The following RAP1A variants were observed in gnomAD, a reference collection of about 807,000 sequenced individuals.
The protein encoded by RAP1A is ras-related protein Rap-1A.
In RAP1A, 6 loss-of-function variants were observed where a neutral mutation model predicts 26.4. That is an observed-to-expected ratio of 0.23 (90% confidence interval 0.12 to 0.45). The LOEUF (loss-of-function observed/expected upper bound fraction) is 0.45, where lower values mean the gene tolerates loss of function less well. Among genes scored for constraint, RAP1A ranks in the 20% least tolerant of loss-of-function variants. RAP1A has a pLI of 0.99. For synonymous variants in RAP1A, 73 were observed against 79.4 expected (o/e 0.92, Z 0.43); for missense variants, 121 against 217.2 (o/e 0.56, Z 2.78).
intron 1 of RAP1A, among the ~76,000 whole-genome samples, chr1:111,652,737 TAG>T (rs1280179065): frequency 6.6e-6 from 1 of 152,096 alleles, no homozygotes; most frequent in East Asian, 1.9e-4. Context: ...GGCCAGGATG[TAG>T]AGAGATTGGA....
At chr1:111,642,856 C>A (rs977855067) in intron 1 of RAP1A, among the ~76,000 whole-genome samples, 1 of 142,486 alleles carries the variant, frequency 7.0e-6, no homozygotes, top group African/African-American at 2.6e-5. Context: ...GATCTTGGCT[C>A]ACTCCTGGGT....
At chr1:111,696,841 A>T (rs920796690) in intron 3 of RAP1A, among the ~76,000 whole-genome samples, 2 of 152,206 alleles carry the variant, frequency 1.3e-5, no homozygotes, top group African/African-American at 4.8e-5. Flanking sequence ...CACCTTTCAC[A>T]TAGAGCTTTT....
Position 111,623,209 on chromosome 1 carries a change from A to T in RAP1A, c.-28+3275A>T, listed in dbSNP as rs116452490. On this transcript the variant is annotated intron_variant, in intron 1 of 7. Coordinates refer to ENST00000369709, the MANE Select transcript of RAP1A (RefSeq NM_002884.4). The stretch of plus-strand genomic sequence containing the variant: ...ATTTTTTTTTTTTTTAATCGTTAGT[A>T]GAGACGAGGTTTCCCCATGTTGGCC... Among the ~76,000 whole-genome samples the T allele has an allele frequency of 5.4e-3, 811 of 150,950 alleles. 8 individuals carry two copies. Among genetic ancestry groups the T allele is most frequent in the African/African-American group, 0.019 (759 of 41,018 alleles).
At chr1:111,646,157 TC>T (rs1660057789) in intron 1 of RAP1A, among the ~76,000 whole-genome samples, 1 of 152,218 alleles carries the variant, frequency 6.6e-6, no homozygotes, top group Non-Finnish European at 1.5e-5. Flanking sequence ...CAAGTAAACA[TC>T]TTTTCCTTTT....
intron 1 of RAP1A, among the ~76,000 whole-genome samples, chr1:111,658,700 G>A (rs1339908118): frequency 6.6e-6 from 1 of 152,166 alleles, no homozygotes; most frequent in African/African-American, 2.4e-5. Flanking sequence ...AAACAATGCG[G>A]ATTAAAACAA....
intron 1 of RAP1A, among the ~76,000 whole-genome samples, chr1:111,634,243 T>G (rs987247054): frequency 2.6e-5 from 4 of 152,176 alleles, no homozygotes; most frequent in Admixed American, 2.0e-4. Flanking sequence ...CAACTATCTC[T>G]TCCCTCCCTG....
intron 1 of RAP1A, among the ~76,000 whole-genome samples, chr1:111,675,368 AG>A (rs1330850193): frequency 2.6e-5 from 4 of 152,072 alleles, no homozygotes; most frequent in African/African-American, 9.7e-5. Context: ...GCTACTCGGG[AG>A]GCTGAGGCAG....
intron 1 of RAP1A, among the ~76,000 whole-genome samples, chr1:111,685,437 A>C (rs1032525032): frequency 1.3e-5 from 2 of 149,648 alleles, no homozygotes; most frequent in Admixed American, 6.7e-5. Context: ...AAAAAAAAGA[A>C]ACAACCTCAT....
At chr1:111,583,044 AAG>A (rs1658289217) in intron 1 of RAP1A, among the ~76,000 whole-genome samples, 1 of 152,148 alleles carries the variant, frequency 6.6e-6, no homozygotes, top group Admixed American at 6.5e-5. Flanking sequence ...GAAAGTGGGA[AAG>A]AATAATGTTT....
chr1:111,679,787 G>A (rs1231452076), intron 1 of RAP1A, among the ~76,000 whole-genome samples: 6 of 152,170 alleles, frequency 3.9e-5, no homozygotes, highest in African/African-American at 4.8e-5. Flanking sequence ...CAAAGCCTCC[G>A]GGAAGGTCAG....
chr1:111,681,773 C>T (rs1198848954), intron 1 of RAP1A, among the ~76,000 whole-genome samples: 5 of 152,256 alleles, frequency 3.3e-5, no homozygotes, highest in Admixed American at 2.6e-4. Flanking sequence ...TTGGAAAATG[C>T]TCCAGGATAT....
At chr1:111,707,810 A>G (rs1332184164) in intron 6 of RAP1A, among the ~76,000 whole-genome samples, 1 of 152,206 alleles carries the variant, frequency 6.6e-6, no homozygotes, top group Non-Finnish European at 1.5e-5. Flanking sequence ...TTATGAGATA[A>G]GTAGCATTGT....
At chr1:111,630,622 G>T (rs1016215544) in intron 1 of RAP1A, among the ~76,000 whole-genome samples, 5 of 152,156 alleles carry the variant, frequency 3.3e-5, no homozygotes, top group Admixed American at 2.6e-4. Context: ...GGAAAAGCTC[G>T]CTGAGATGGT....
intron 1 of RAP1A, among the ~76,000 whole-genome samples, chr1:111,681,286 C>T (rs1661286231): frequency 6.6e-6 from 1 of 152,136 alleles, no homozygotes; most frequent in Non-Finnish European, 1.5e-5. Flanking sequence ...ACCAGCATGC[C>T]TCTTCTCCTC....
intron 1 of RAP1A, among the ~76,000 whole-genome samples, chr1:111,665,327 G>C (rs1451136508): frequency 2.6e-5 from 4 of 152,084 alleles, no homozygotes; most frequent in Non-Finnish European, 1.5e-5. Context: ...TATAGTTTAT[G>C]TGGCAGTGCT....
At position 111,596,554 on chromosome 1, in the gene RAP1A, A is replaced by G. The variant is rs144219778; in HGVS notation, c.-28+54045A>G. Among the ~76,000 whole-genome samples, 467 of 152,360 alleles carry G rather than the reference A, an allele frequency of 3.1e-3. 1 individual carries two copies. The highest frequency in any genetic ancestry group is 0.011 in the African/African-American group (447 of 41,578). ...CCATTCCTTGTACAGTGCTTGGTCC[A>G]TAGCAGATGATCTTAGTCCATTTGA... On this transcript the variant is annotated intron_variant, in intron 1 of 7. Coordinates refer to the RAP1A transcript ENST00000356415.
chr1:111,694,183 A>T (rs971639070), intron 2 of RAP1A, among the ~76,000 whole-genome samples: 1 of 152,180 alleles, frequency 6.6e-6, no homozygotes, highest in Non-Finnish European at 1.5e-5. Context: ...CACTGCATCC[A>T]GCGTAGACTG....
At chr1:111,569,332 G>A (rs936679616) in intron 1 of RAP1A, among the ~76,000 whole-genome samples, 2 of 151,496 alleles carry the variant, frequency 1.3e-5, no homozygotes, top group Non-Finnish European at 2.9e-5. Flanking sequence ...CCAGGAGGTG[G>A]AGGTTGCAGT....
At chr1:111,545,104 C>T (rs570739479) in intron 1 of RAP1A, among the ~76,000 whole-genome samples, 1 of 147,928 alleles carries the variant, frequency 6.8e-6, no homozygotes, top group Admixed American at 6.7e-5. Flanking sequence ...TTGGGTATAT[C>T]CAATTTGGTA....
Sources: gnomAD v4.1 joint callset for allele counts (sites outside exome capture counted in the v4.1 genomes callset) on GRCh38, gnomAD v4.1.1 for gene constraint, MANE v1.5 for transcripts, NCBI Gene and HGNC (gene_info 2026-07-23, HGNC 2026-07-21) for gene names.